SP4: variants seen among roughly 807,000 people sequenced by gnomAD.
SP4 encodes transcription factor Sp4.
A neutral mutation model predicts 72.8 loss-of-function variants in SP4; 19 were observed. The ratio of observed to expected loss-of-function variants is 0.26; its 90% CI spans 0.18 to 0.38. The LOEUF (loss-of-function observed/expected upper bound fraction) is 0.38. Ranked by LOEUF, SP4 falls within the 10% of genes least tolerant of loss-of-function variation. The probability of loss-of-function intolerance (pLI) is 1.00; values close to 1 mark genes in which losing one functional copy is unlikely to be tolerated. For synonymous variants in SP4, 395 were observed against 333.1 expected (o/e 1.19, Z -2.02); for missense variants, 1,008 against 926.3 (o/e 1.09, Z -1.14).
intron 3 of SP4, among the ~76,000 whole-genome samples, chr7:21,438,761 G>A (rs1253642164): frequency 6.6e-6 from 1 of 152,168 alleles, no homozygotes; most frequent in Admixed American, 6.5e-5. Context: ...TGAAATCTCA[G>A]TCTGTCCAGG....
intron 4 of SP4, among the ~76,000 whole-genome samples, chr7:21,481,386 T>C (rs1307115161): frequency 2.6e-5 from 4 of 152,254 alleles, no homozygotes; most frequent in Non-Finnish European, 4.4e-5. Flanking sequence ...CCACAGACTC[T>C]TACTGTTCTT....
chr7:21,509,768 T>G (rs1392110778), intron 5 of SP4, among the ~76,000 whole-genome samples: 1 of 152,212 alleles, frequency 6.6e-6, no homozygotes, highest in Non-Finnish European at 1.5e-5. Flanking sequence ...TATTGGTAAG[T>G]CAAAAGCAGG....
At chr7:21,461,897 A>G (rs900051023) in intron 3 of SP4, among the ~76,000 whole-genome samples, 1 of 152,218 alleles carries the variant, frequency 6.6e-6, no homozygotes, top group Non-Finnish European at 1.5e-5. Flanking sequence ...GAAGTTCACA[A>G]GGTTGGTAGA....
intron 3 of SP4, among the ~76,000 whole-genome samples, chr7:21,434,109 C>T (rs1240852508): frequency 6.6e-6 from 1 of 152,104 alleles, no homozygotes; most frequent in Non-Finnish European, 1.5e-5. Context: ...TAAGTACTTT[C>T]TTGGTCGGTT....
intron 4 of SP4, among the ~76,000 whole-genome samples, chr7:21,478,298 C>T (rs1263128552): frequency 6.6e-6 from 1 of 152,130 alleles, no homozygotes; most frequent in African/African-American, 2.4e-5. Context: ...ACCCACTGGC[C>T]GTTATGAATA....
intron 3 of SP4, among the ~76,000 whole-genome samples, chr7:21,432,709 A>C (rs1782905810): frequency 6.6e-6 from 1 of 152,172 alleles, no homozygotes. Context: ...AACTCACTGA[A>C]GTGGCTGGGT....
intron 3 of SP4, among the ~76,000 whole-genome samples, chr7:21,438,460 C>T (rs1338398961): frequency 6.6e-6 from 1 of 151,970 alleles, no homozygotes; most frequent in Non-Finnish European, 1.5e-5. Context: ...CACTGTAATT[C>T]ATAAATTAAT....
chr7:21,430,482 G>A lies in SP4; in HGVS notation c.1317G>A (p.Gln439=). ...AGACGATTCAGACCATCCAGCAGCA[G>A]CCTTTACAGAATGTTCAACTTCAAG... ...SGQTIQTIQQ[Q]PLQNVQLQAV... Residue 439 remains glutamine, a synonymous_variant, in exon 3 of 6, where the codon CAG becomes CAA. Transcript: ENST00000222584. 6.2e-7 allele frequency: 1 copy of A among 1,614,198 alleles called. No homozygotes were observed. Among genetic ancestry groups the A allele is most frequent in the South Asian group, 1.1e-5 (1 of 91,084 alleles).
chr7:21,445,941 G>A (rs932144923), intron 3 of SP4, among the ~76,000 whole-genome samples: 3 of 151,352 alleles, frequency 2.0e-5, no homozygotes, highest in Admixed American at 2.0e-4. Flanking sequence ...AATTTAGTCC[G>A]TATTTCCAAA....
At chr7:21,452,540 TTTC>T (rs142549790) in intron 3 of SP4, among the ~76,000 whole-genome samples, 3,283 of 152,294 alleles carry the variant, frequency 0.022, 121 homozygotes, top group African/African-American at 0.074. Flanking sequence ...CAGAGGGGCT[TTTC>T]TTGGCTTTAT....
At chr7:21,493,313 G>T (rs1785026642) in intron 5 of SP4, among the ~76,000 whole-genome samples, 1 of 151,636 alleles carries the variant, frequency 6.6e-6, no homozygotes, top group Non-Finnish European at 1.5e-5. Flanking sequence ...CATGGGCCAA[G>T]AAAAAGTTTC....
At chr7:21,446,778 T>C (rs1224408291) in intron 3 of SP4, among the ~76,000 whole-genome samples, 1 of 152,126 alleles carries the variant, frequency 6.6e-6, no homozygotes, top group Non-Finnish European at 1.5e-5. Context: ...TTTTAAACTG[T>C]GAATGGAGCA....
intron 5 of SP4, among the ~76,000 whole-genome samples, chr7:21,488,479 C>CTTTTTTTTTTTTTT (rs59893862): frequency 7.5e-6 from 1 of 133,242 alleles, no homozygotes; most frequent in African/African-American, 2.8e-5. Context: ...ACTTCCTTTC[C>CTTTTTTTTTTTTTT]TTTTTTTTTT....
rs35111163 is a variant in SP4 at position 21,434,817 on chromosome 7, A to AT, written c.1678+3990dup. Among the ~76,000 whole-genome samples the AT allele has an allele frequency of 1.7e-3, 236 of 139,150 alleles. 1 individual carries two copies. Among genetic ancestry groups the AT allele is most frequent in the Middle Eastern group, 7.7e-3 (2 of 260 alleles). 91.3% of individuals were successfully genotyped at this position (139,150 alleles called of 152,430 possible). ...TCCACCTGTATGTCCATGTGTAATC[A>AT]TTTTTTTTTTTTTTTTAGCTCCCAC... On this transcript the variant is annotated intron_variant, in intron 3 of 5. Transcript: ENST00000222584.
chr7:21,455,705 A>G (rs1211245795), intron 3 of SP4, among the ~76,000 whole-genome samples: 1 of 152,028 alleles, frequency 6.6e-6, no homozygotes, highest in African/African-American at 2.4e-5. Context: ...TGTGCCTTCA[A>G]CCCTGTTCTA....
chr7:21,462,584 G>A lies in SP4; in HGVS notation c.1679-14495G>A, dbSNP rs1289332784. Among the ~76,000 whole-genome samples the A allele has an allele frequency of 1.3e-3, 193 of 152,278 alleles. 1 individual carries two copies. The highest frequency in any genetic ancestry group is 1.7e-3 in the Non-Finnish European group (114 of 68,014). ...GTGTCTAGTTTGTATCTGGAGATTG[G>A]TCCTGAGAAGAGATCAGAATCAGCA... On this transcript the variant is annotated intron_variant, in intron 3 of 5. Coordinates refer to ENST00000222584, the MANE Select transcript of SP4 (RefSeq NM_003112.5).
chr7:21,472,003 A>G (rs777023552), intron 3 of SP4, among the ~76,000 whole-genome samples: 16 of 152,168 alleles, frequency 1.1e-4, no homozygotes, highest in Non-Finnish European at 2.2e-4. Context: ...CAAATTTTCT[A>G]TTTGAATGGT....
At position 21,514,476 on chromosome 7, in the gene SP4, C is replaced by G. The variant is rs991841363; in HGVS notation, c.*3207C>G. 2 of 131,410 alleles carry G rather than the reference C, an allele frequency of 1.5e-5. No individual in the cohort carries two copies. The highest frequency in any genetic ancestry group is 4.7e-4 in the South Asian group (2 of 4,252). The allele number at this position is 131,410 out of a possible 1,614,324, so 8.1% of individuals were successfully genotyped here. A position where few individuals can be genotyped will look rare whatever the true frequency, so the allele number is the denominator to read the frequency against. On this transcript the variant is annotated 3_prime_UTR_variant, in exon 6 of 6. Coordinates refer to ENST00000222584, the MANE Select transcript of SP4 (RefSeq NM_003112.5). ...TTGATGGTAAAATGTAAATGTTTTG[C>G]AAAAATTCCTTATAAAAAGTTTTGT...
chr7:21,481,592 C>T (rs190513608), intron 4 of SP4, among the ~76,000 whole-genome samples: 253 of 152,214 alleles, frequency 1.7e-3, no homozygotes, highest in African/African-American at 5.7e-3. Context: ...TGGATTTAGC[C>T]ATCCTTTTGA....
Sources: gnomAD v4.1 joint callset for allele counts (sites outside exome capture counted in the v4.1 genomes callset) on GRCh38, gnomAD v4.1.1 for gene constraint, MANE v1.5 for transcripts, NCBI Gene and HGNC (gene_info 2026-07-23, HGNC 2026-07-21) for gene names.